The following DOCK8 variants were observed in gnomAD, a reference collection of about 807,000 sequenced individuals.
DOCK8 encodes dedicator of cytokinesis protein 8.
In DOCK8, 141 loss-of-function variants were observed where a neutral mutation model predicts 245.6. The observed-to-expected ratio is 0.57, with a 90% confidence interval of 0.50 to 0.66. DOCK8 has a LOEUF of 0.66. DOCK8 is among the 30% of genes least tolerant of loss of function. The pLI is 0.00. For missense variants in DOCK8, 2,965 were observed against 2,603.4 expected (o/e 1.14, Z -3.02); for synonymous variants, 1,168 against 970.2 (o/e 1.20, Z -3.79).
chr9:343,225 C>A (rs1035208515), intron 14 of DOCK8, among the ~76,000 whole-genome samples: 1 of 152,170 alleles, frequency 6.6e-6, no homozygotes, highest in Non-Finnish European at 1.5e-5. Context: ...GGTGGCCAGA[C>A]ACAGTGGCTC....
intron 3 of DOCK8, among the ~76,000 whole-genome samples, chr9:289,216 T>C (rs2048941022): frequency 6.6e-6 from 1 of 152,260 alleles, no homozygotes; most frequent in African/African-American, 2.4e-5. Flanking sequence ...CGAATACAGC[T>C]AGTTCTACCT....
intron 2 of DOCK8, among the ~76,000 whole-genome samples, chr9:279,211 G>T (rs1000995522): frequency 1.3e-5 from 2 of 152,184 alleles, no homozygotes; most frequent in African/African-American, 4.8e-5. Flanking sequence ...AGGTATGGAA[G>T]GTATGGGAAG....
intron 26 of DOCK8, among the ~76,000 whole-genome samples, chr9:400,267 A>T (rs1187722648): frequency 2.2e-4 from 16 of 71,932 alleles, no homozygotes; most frequent in East Asian, 5.4e-4. Flanking sequence ...CACCACCTCC[A>T]CCATCACCAC....
intron 20 of DOCK8, among the ~76,000 whole-genome samples, chr9:377,413 G>T (rs372728618): frequency 1.2e-4 from 18 of 152,258 alleles, no homozygotes; most frequent in African/African-American, 3.4e-4. Context: ...CATTAAAATA[G>T]GGTTCTTAAT....
In DOCK8 at chr9:289,546, G is replaced by C. The variant is rs561736790; in HGVS notation, c.369G>C (p.Gln123His). 1.2e-6 allele frequency: 2 copies of C among 1,612,974 alleles called. No homozygotes were observed. Among genetic ancestry groups the C allele is most frequent in the African/African-American group, 2.7e-5 (2 of 74,890 alleles). The change falls in exon 4 of 48, where the codon CAG becomes CAC. Residue 123 changes from glutamine (Q) to histidine (H), a missense_variant. Coordinates refer to ENST00000432829, the MANE Select transcript of DOCK8 (RefSeq NM_203447.4). ...ELDPHVRDCV[Q>H]TYIREWLIVN... ...ACCCTCATGTCAGGGACTGTGTTCA[G>C]ACCTACATCCGTGAGTGGCTAATCG...
At chr9:270,067 C>T (rs2048123633) in intron 1 of DOCK8, among the ~76,000 whole-genome samples, 1 of 152,176 alleles carries the variant, frequency 6.6e-6, no homozygotes, top group African/African-American at 2.4e-5. Context: ...TTATAGCCAG[C>T]CTAGTGGTTG....
chr9:420,834 G>C, intron 31 of DOCK8, 115 bp from the exon 32 acceptor site: 1 of 1,449,668 alleles, frequency 6.9e-7, no homozygotes, highest in Non-Finnish European at 9.7e-7. Context: ...CAGCATCTCA[G>C]TGAAGCACAT....
intron 1 of DOCK8, among the ~76,000 whole-genome samples, chr9:242,061 C>A (rs2047386132): frequency 6.6e-6 from 1 of 152,210 alleles, no homozygotes; most frequent in South Asian, 2.1e-4. Flanking sequence ...TCAAACATAG[C>A]TATCTTGTGT....
At chr9:251,645 A>G (rs1404351054) in intron 1 of DOCK8, among the ~76,000 whole-genome samples, 3 of 152,182 alleles carry the variant, frequency 2.0e-5, no homozygotes, top group Non-Finnish European at 2.9e-5. Context: ...TGTGTGTACC[A>G]GTAAAGCCTT....
intron 3 of DOCK8, among the ~76,000 whole-genome samples, chr9:286,966 C>T (rs1001698527): frequency 2.0e-5 from 3 of 152,156 alleles, no homozygotes; most frequent in African/African-American, 7.2e-5. Context: ...GTCACATGAC[C>T]TCCCAAATCC....
At position 312,028 on chromosome 9, in the gene DOCK8, C is replaced by T. The variant is rs762347130; in HGVS notation, c.603C>T (p.Leu201=). Residue 201 remains leucine, a synonymous_variant, in exon 6 of 48, where the codon CTC becomes CTT. Transcript: ENST00000432829. ...CCGTCACTGCCTGTGACTTTGACCT[C>T]CGCAGCCTGCAGCCTGACAAGCGGC... ...KGPVTACDFD[L]RSLQPDKRLE... is the part of the protein sequence containing the mutation. 1.2e-6 allele frequency: 2 copies of T among 1,614,220 alleles called. No individual in the cohort carries two copies. Among genetic ancestry groups the T allele is most frequent in the South Asian group, 1.1e-5 (1 of 91,080 alleles).
intron 1 of DOCK8, among the ~76,000 whole-genome samples, chr9:244,187 G>GAAAAAAA (rs60148430): frequency 1.1e-5 from 1 of 88,422 alleles, no homozygotes; most frequent in Non-Finnish European, 2.1e-5. Flanking sequence ...GACTCCGTCT[G>GAAAAAAA]AAAAAAAAAA....
At chr9:211,673 A>G (rs2046621704), upstream of DOCK8, among the ~76,000 whole-genome samples, 1 of 152,162 alleles carries the variant, frequency 6.6e-6, no homozygotes, top group Non-Finnish European at 1.5e-5. Context: ...ACAGGAGGAA[A>G]AAAAGTTAGA....
At chr9:283,404 T>C (rs191246107) in intron 2 of DOCK8, among the ~76,000 whole-genome samples, 1 of 152,352 alleles carries the variant, frequency 6.6e-6, no homozygotes, top group African/African-American at 2.4e-5. Flanking sequence ...CAATACTTTT[T>C]TTTATTTGTA....
chr9:322,506 G>A (rs1361600948), intron 7 of DOCK8, among the ~76,000 whole-genome samples: 1 of 146,144 alleles, frequency 6.8e-6, no homozygotes, highest in Non-Finnish European at 1.5e-5. Flanking sequence ...ACTTTGGCAA[G>A]TTCCTTATTC....
At position 281,465 on chromosome 9, in the gene DOCK8, T is replaced by C. The variant is rs547796832; in HGVS notation, c.157-4996T>C. ...AACAGTTAATTTTCATGTTTGGCTT[T>C]TGAGCTTCCAGGGACCCAAGTCTTG... On this transcript the variant is annotated intron_variant, in intron 2 of 47. Transcript: ENST00000432829. Among the ~76,000 whole-genome samples the C allele has an allele frequency of 2.0e-5, 3 of 152,324 alleles. No individual in the cohort carries two copies. In the South Asian group the frequency reaches 6.2e-4, roughly 32 times the overall value.
intron 14 of DOCK8, 100 bp from the exon 15 acceptor site, chr9:367,917 GA>G: frequency 8.0e-6 from 8 of 997,190 alleles, no homozygotes; most frequent in Non-Finnish European, 7.9e-6. Flanking sequence ...AACTTCTTTG[GA>G]AAAAGCACCC....
At chr9:333,421 G>A (rs1200028162) in intron 10 of DOCK8, among the ~76,000 whole-genome samples, 1 of 152,072 alleles carries the variant, frequency 6.6e-6, no homozygotes, top group Non-Finnish European at 1.5e-5. Context: ...CCAACACGGT[G>A]AAACCCCGTC....
At chr9:280,250 C>A (rs2130150092) in intron 2 of DOCK8, among the ~76,000 whole-genome samples, 1 of 152,162 alleles carries the variant, frequency 6.6e-6, no homozygotes, top group East Asian at 1.9e-4. Context: ...CTGAAAAAAA[C>A]AACTAAAAAG....
Sources: gnomAD v4.1 joint callset for allele counts (sites outside exome capture counted in the v4.1 genomes callset) on GRCh38, gnomAD v4.1.1 for gene constraint, MANE v1.5 for transcripts, NCBI Gene and HGNC (gene_info 2026-07-23, HGNC 2026-07-21) for gene names.